TNRC6B: variants seen among roughly 807,000 people sequenced by gnomAD.
TNRC6B encodes the protein trinucleotide repeat-containing gene 6B protein.
TNRC6B carries 52 observed loss-of-function variants against 203.6 expected under a neutral mutation model. The ratio of observed to expected loss-of-function variants is 0.26; its 90% CI spans 0.20 to 0.32. The LOEUF is 0.32. Among genes scored for constraint, TNRC6B ranks in the 10% least tolerant of loss-of-function variants. The pLI is 1.00. For missense variants in TNRC6B, 1,923 were observed against 2,286.2 expected, an observed-to-expected ratio of 0.84 and a Z score of 3.24; for synonymous variants, 838 against 845.7, an observed-to-expected ratio of 0.99 and a Z score of 0.16.
At chr22:40,289,345 A>C (rs1055202707) in intron 12 of TNRC6B, among the ~76,000 whole-genome samples, 26 of 152,252 alleles carry the variant, frequency 1.7e-4, no homozygotes, top group African/African-American at 6.3e-4. Context: ...TATAGAGGAC[A>C]TGTTTGAATG....
intron 15 of TNRC6B, among the ~76,000 whole-genome samples, chr22:40,303,435 C>A (rs761815024): frequency 6.6e-6 from 1 of 152,092 alleles, no homozygotes; most frequent in Non-Finnish European, 1.5e-5. Flanking sequence ...TCATAAGTAA[C>A]TTGTAAATTT....
chr22:40,258,740 T>C (rs2070325327), intron 3 of TNRC6B, among the ~76,000 whole-genome samples: 1 of 152,166 alleles, frequency 6.6e-6, no homozygotes, highest in Non-Finnish European at 1.5e-5. Flanking sequence ...TACAATCCAT[T>C]CTGTCTCTGA....
At chr22:40,181,061 T>A (rs181928202) in intron 1 of TNRC6B, among the ~76,000 whole-genome samples, 1 of 152,378 alleles carries the variant, frequency 6.6e-6, no homozygotes, top group East Asian at 1.9e-4. Flanking sequence ...AGTCATTCCA[T>A]CTGGTTCCCA....
At chr22:40,228,933 GGA>G (rs2069829786) in intron 1 of TNRC6B, among the ~76,000 whole-genome samples, 2 of 152,112 alleles carry the variant, frequency 1.3e-5, no homozygotes, top group African/African-American at 4.8e-5. Context: ...AGTACTTTCA[GGA>G]GTAAAATGTG....
chr22:40,303,853 G>C (rs1472826897), intron 15 of TNRC6B, among the ~76,000 whole-genome samples: 1 of 152,234 alleles, frequency 6.6e-6, no homozygotes, highest in South Asian at 2.1e-4. Flanking sequence ...AGAGGTTGCA[G>C]TGAGCTGAGA....
rs530388354 is a variant in TNRC6B at position 40,300,760 on chromosome 22, T to C, written c.3841-150T>C. 1.1e-5 allele frequency: 14 copies of C among 1,227,570 alleles called. No individual in the cohort carries two copies. The African/African-American group carries it at 2.0e-4, about 17-fold the overall frequency. The allele number at this position is 1,227,570 out of a possible 1,614,324, so 76.0% of individuals were successfully genotyped here. A position where few individuals can be genotyped will look rare whatever the true frequency, so the allele number is the denominator to read the frequency against. On this transcript the variant is annotated intron_variant, in intron 13 of 22. Coordinates refer to ENST00000454349, the MANE Select transcript of TNRC6B (RefSeq NM_001162501.2). ...GGTTGTCAGCTCAACTGGAGGAAAA[T>C]GTAACCAAGAGACCGGGAATTTGGT...
At chr22:40,091,996 T>C (rs2068154670) in intron 1 of TNRC6B, among the ~76,000 whole-genome samples, 1 of 152,150 alleles carries the variant, frequency 6.6e-6, no homozygotes, top group South Asian at 2.1e-4. Flanking sequence ...TACACCTTAC[T>C]TAGGACTCAA....
chr22:40,224,990 A>G (rs1157211117), intron 1 of TNRC6B, among the ~76,000 whole-genome samples: 1 of 152,228 alleles, frequency 6.6e-6, no homozygotes, highest in Non-Finnish European at 1.5e-5. Context: ...CTTTCCATCC[A>G]TTATTTCTAA....
At chr22:40,312,410 T>G (rs1288976608) in intron 17 of TNRC6B, 95 bp from the exon 18 acceptor site, 1 of 1,247,644 alleles carries the variant, frequency 8.0e-7, no homozygotes, top group East Asian at 2.5e-5. Context: ...TCAGTATTTA[T>G]ACTTTTCACA....
chr22:40,292,065 G>C (rs544141690), intron 12 of TNRC6B, among the ~76,000 whole-genome samples: 1 of 152,166 alleles, frequency 6.6e-6, no homozygotes, highest in Non-Finnish European at 1.5e-5. Context: ...GTGGTGGCAG[G>C]CGTCTGTAGT....
At chr22:40,293,286 C>T (rs760372959) in intron 12 of TNRC6B, among the ~76,000 whole-genome samples, 5 of 151,154 alleles carry the variant, frequency 3.3e-5, no homozygotes, top group African/African-American at 7.3e-5. Flanking sequence ...ACTCTGCCCC[C>T]GGGTTCAAGC....
chr22:40,224,554 T>TCAAAACAATAA (rs1410268362), intron 1 of TNRC6B, among the ~76,000 whole-genome samples: 3 of 152,242 alleles, frequency 2.0e-5, no homozygotes, highest in South Asian at 2.1e-4. Flanking sequence ...ATCATAATAC[T>TCAAAACAATAA]TGTTTTGAAG....
At chr22:40,263,057 A>G in intron 4 of TNRC6B, among the ~76,000 whole-genome samples, 1 of 148,414 alleles carries the variant, frequency 6.7e-6, no homozygotes, top group South Asian at 2.1e-4. Context: ...AAAAAAAAAA[A>G]GTTGTGAGAG....
intron 4 of TNRC6B, among the ~76,000 whole-genome samples, chr22:40,170,823 G>GTATATACATATA (rs2068982011): frequency 1.8e-5 from 1 of 56,782 alleles, no homozygotes; most frequent in Non-Finnish European, 3.0e-5. Context: ...ATATATGTGT[G>GTATATACATATA]TGTATATACA....
intron 16 of TNRC6B, among the ~76,000 whole-genome samples, chr22:40,309,123 T>TA (rs1383145165): frequency 6.6e-6 from 1 of 152,254 alleles, no homozygotes; most frequent in African/African-American, 2.4e-5. Context: ...CTATGTGAAT[T>TA]AGAGTGTCTG....
At chr22:40,247,285 T>A (rs1286288355) in intron 2 of TNRC6B, among the ~76,000 whole-genome samples, 2 of 152,174 alleles carry the variant, frequency 1.3e-5, no homozygotes, top group Non-Finnish European at 2.9e-5. Context: ...TGCTAGTTAA[T>A]TGAAGCTAAG....
chr22:40,265,957 G>A lies in TNRC6B; in HGVS notation c.1727G>A (p.Ser576Asn), dbSNP rs2070472903. The change falls in exon 5 of 23, where the codon AGC becomes AAC. Residue 576 changes from serine to asparagine, a missense_variant. Coordinates refer to ENST00000454349, the MANE Select transcript of TNRC6B (RefSeq NM_001162501.2). ...GSEVGGQSTGSNHKAGSSDSH... is the reference protein window; with the variant it reads ...GSEVGGQSTGNNHKAGSSDSH... ...GAAGTTGGAGGTCAAAGCACTGGAA[G>A]CAACCACAAAGCAGGAAGTAGTGAC... The A allele has an allele frequency of 6.2e-7, 1 of 1,613,908 alleles. No homozygotes were observed. The highest frequency in any genetic ancestry group is 8.5e-7 in the Non-Finnish European group (1 of 1,179,908).
At chr22:40,054,910 G>A (rs921208247) in intron 1 of TNRC6B, among the ~76,000 whole-genome samples, 4 of 151,696 alleles carry the variant, frequency 2.6e-5, no homozygotes, top group East Asian at 3.9e-4. Context: ...AGTAGTGCGC[G>A]CCAGTAGTCC....
chr22:40,154,522 A>G (rs1188948762), intron 3 of TNRC6B, among the ~76,000 whole-genome samples: 1 of 150,270 alleles, frequency 6.7e-6, no homozygotes, highest in Non-Finnish European at 1.5e-5. Context: ...ATGTATGCCT[A>G]TATGTACATA....
Sources: gnomAD v4.1 joint callset for allele counts (sites outside exome capture counted in the v4.1 genomes callset) on GRCh38, gnomAD v4.1.1 for gene constraint, MANE v1.5 for transcripts, NCBI Gene and HGNC (gene_info 2026-07-23, HGNC 2026-07-21) for gene names.